The following CDH20 variants were observed in gnomAD, a reference collection of about 807,000 sequenced individuals.
The protein encoded by CDH20 is cadherin 20.
Under a neutral mutation model 74.2 loss-of-function variants are expected in CDH20, and 29 were observed. The observed-to-expected ratio is 0.39, with a 90% CI of 0.29 to 0.53. The LOEUF is 0.53. Ranked by LOEUF, CDH20 falls within the 20% of genes least tolerant of loss-of-function variation. The probability of loss-of-function intolerance (pLI) is 0.69; values close to 1 mark genes in which losing one functional copy is unlikely to be tolerated. For missense variants in CDH20, 988 were observed against 1,048.3 expected (o/e 0.94, Z 0.79); for synonymous variants, 469 against 405.4 (o/e 1.16, Z -1.88).
intron 1 of CDH20, among the ~76,000 whole-genome samples, chr18:61,454,566 T>G (rs1240819088): frequency 6.6e-6 from 1 of 152,214 alleles, no homozygotes; most frequent in East Asian, 1.9e-4. Context: ...CCTCAGTCCC[T>G]TGCCAAAAAA....
chr18:61,500,748 A>T (rs917832960), intron 4 of CDH20, among the ~76,000 whole-genome samples: 1 of 152,206 alleles, frequency 6.6e-6, no homozygotes, highest in African/African-American at 2.4e-5. Context: ...AAACACACAC[A>T]AAATAACTCC....
intron 10 of CDH20, among the ~76,000 whole-genome samples, chr18:61,549,105 G>A (rs139160872): frequency 6.6e-6 from 1 of 152,216 alleles, no homozygotes; most frequent in African/African-American, 2.4e-5. Context: ...AAAATAATCT[G>A]AGCTTTGCAA....
chr18:61,527,381 A>AGATAGAT (rs1555683363), intron 6 of CDH20, among the ~76,000 whole-genome samples: 1 of 150,558 alleles, frequency 6.6e-6, no homozygotes, highest in African/African-American at 2.5e-5. Context: ...ATAGATAGAT[A>AGATAGAT]GATAGATAGA....
chr18:61,344,869 T>C (rs1308162171), intron 1 of CDH20, among the ~76,000 whole-genome samples: 1 of 152,202 alleles, frequency 6.6e-6, no homozygotes, highest in African/African-American at 2.4e-5. Context: ...AAGATAATTT[T>C]ATCATTGGAG....
rs537927518 is a variant in CDH20, at chr18:61,515,817, T to G, written c.1017+8257T>G. 2.0e-5 allele frequency among the ~76,000 whole-genome samples: 3 copies of G among 149,228 alleles called. No individual in the cohort carries two copies. The South Asian group carries it at 6.6e-4, about 33-fold the overall frequency. On this transcript the variant is annotated intron_variant, in intron 6 of 11. Coordinates refer to ENST00000262717, the MANE Select transcript of CDH20 (RefSeq NM_031891.4). The stretch of plus-strand genomic sequence containing the variant: ...GGGGGAGGGATAGCATTGGGAGATA[T>G]ACCTAATGCTAGATGATGAGTTAGT...
At chr18:61,368,504 T>A (rs1374584254) in intron 1 of CDH20, among the ~76,000 whole-genome samples, 1 of 151,914 alleles carries the variant, frequency 6.6e-6, no homozygotes, top group Non-Finnish European at 1.5e-5. Context: ...AATAGATATT[T>A]TTACAAATCA....
At chr18:61,435,416 C>T (rs1908799110) in intron 1 of CDH20, among the ~76,000 whole-genome samples, 1 of 152,088 alleles carries the variant, frequency 6.6e-6, no homozygotes, top group African/African-American at 2.4e-5. Flanking sequence ...GACTCTCAGA[C>T]CATCCAGGAT....
At chr18:61,507,596 G>A (rs778909815) in intron 6 of CDH20, 36 bp downstream of exon 6, 1 of 1,482,144 alleles carries the variant, frequency 6.7e-7, no homozygotes, top group Non-Finnish European at 9.3e-7. Flanking sequence ...ACTTTCATGG[G>A]TGCTTTGAAT....
In CDH20 at chr18:61,490,576, G is replaced by A. The variant is rs371708959; in HGVS notation, c.23G>A (p.Ser8Asn). ...CCCATGTGGACTTCTGGTAGAATGA[G>A]CAATGCAAAGAACTGGCTTGGACTT... MWTSGRM[S>N]NAKNWLGLGM... is the part of the protein sequence containing the mutation. Residue 8 changes from serine (S) to asparagine (N), a missense_variant, in exon 2 of 12, where the codon AGC (serine) becomes AAC (asparagine). By Grantham distance (46) the Ser-to-Asn change is conservative. Around this residue, in one of 2 missense-constraint regions of CDH20, gnomAD observed 613 missense variants for 755.2 expected, o/e 0.81. Transcript: ENST00000262717. The A allele has an allele frequency of 5.6e-5, 91 of 1,613,984 alleles. No homozygotes were observed. The Middle Eastern group carries it at 8.2e-4, about 15-fold the overall frequency.
At chr18:61,421,319 C>G (rs909224517) in intron 1 of CDH20, among the ~76,000 whole-genome samples, 1 of 152,070 alleles carries the variant, frequency 6.6e-6, no homozygotes, top group Non-Finnish European at 1.5e-5. Context: ...AATCCATGGG[C>G]CATGAAGATA....
At chr18:61,493,371 G>A (rs1260510950) in intron 2 of CDH20, among the ~76,000 whole-genome samples, 7 of 152,062 alleles carry the variant, frequency 4.6e-5, no homozygotes, top group African/African-American at 9.7e-5. Context: ...GATGCTCAGC[G>A]CATTCCTCTC....
intron 11 of CDH20, among the ~76,000 whole-genome samples, chr18:61,552,769 C>T (rs1189877382): frequency 1.3e-5 from 2 of 152,194 alleles, no homozygotes; most frequent in Non-Finnish European, 2.9e-5. Flanking sequence ...CATTGCTTAG[C>T]ATAGAGGATT....
intron 10 of CDH20, 145 bp downstream of exon 10, chr18:61,545,289 T>C: frequency 1.5e-6 from 1 of 647,494 alleles, no homozygotes; most frequent in Non-Finnish European, 2.8e-6. Context: ...TTTTTTTTTT[T>C]TTTTTTGAGA....
intron 9 of CDH20, among the ~76,000 whole-genome samples, chr18:61,540,830 C>T (rs935720082): frequency 1.6e-4 from 25 of 152,330 alleles, no homozygotes; most frequent in African/African-American, 5.3e-4. Flanking sequence ...CTCGACGACA[C>T]ATCTTTACCA....
intron 8 of CDH20, 146 bp from the exon 9 acceptor site, chr18:61,538,878 C>T (rs889176108): frequency 2.0e-5 from 15 of 758,972 alleles, no homozygotes; most frequent in East Asian, 8.0e-5. Flanking sequence ...GTGATCCTCC[C>T]GCCTCGGCCT....
At position 61,430,180 on chromosome 18, in the gene CDH20, C is replaced by A. The variant is rs769924946; in HGVS notation, c.-152-60222C>A. Among the ~76,000 whole-genome samples the A allele has an allele frequency of 5.3e-5, 8 of 152,050 alleles. No individual in the cohort carries two copies. In the Middle Eastern group the frequency reaches 0.014, roughly 259 times the overall value. On this transcript the variant is annotated intron_variant, in intron 1 of 11. Coordinates refer to ENST00000262717, the MANE Select transcript of CDH20 (RefSeq NM_031891.4). ...GTTTGGTCTTGGTCATGCTTGCAAG[C>A]GTAAATCTCACAGTATCTGGATTAC... is the stretch of plus-strand genomic sequence containing the variant.
chr18:61,554,107 G>A (rs1913532555), intron 11 of CDH20, 83 bp from the exon 12 acceptor site: 1 of 1,510,848 alleles, frequency 6.6e-7, no homozygotes. Context: ...TCCCCTATCC[G>A]TGGTGAATCA....
chr18:61,452,874 C>G (rs1054148773), intron 1 of CDH20, among the ~76,000 whole-genome samples: 1 of 152,096 alleles, frequency 6.6e-6, no homozygotes, highest in Admixed American at 6.6e-5. Flanking sequence ...TCGTGAATAT[C>G]TGATCATTTT....
intron 9 of CDH20, among the ~76,000 whole-genome samples, chr18:61,544,147 A>G (rs1009319715): frequency 3.3e-5 from 5 of 152,224 alleles, no homozygotes; most frequent in Admixed American, 3.3e-4. Context: ...TTCACATGGA[A>G]CGGGAGAGTT....
Sources: gnomAD v4.1 joint callset for allele counts (sites outside exome capture counted in the v4.1 genomes callset) on GRCh38, gnomAD v4.1.1 for gene constraint, gnomAD v4.1.1 regional missense constraint, MANE v1.5 for transcripts, NCBI Gene and HGNC (gene_info 2026-07-23, HGNC 2026-07-21) for gene names.